The following TLL1 variants were observed in gnomAD, a reference collection of about 807,000 sequenced individuals.
TLL1 encodes tolloid-like protein 1.
Under a neutral mutation model 128.2 loss-of-function variants are expected in TLL1, and 49 were observed. That is an observed-to-expected ratio of 0.38 (90% confidence interval 0.30 to 0.48). The LOEUF (loss-of-function observed/expected upper bound fraction) is 0.48. Ranked by LOEUF, TLL1 falls within the 20% of genes least tolerant of loss-of-function variation. The pLI, the probability that TLL1 is intolerant of heterozygous loss-of-function variation, is 0.96. For synonymous variants in TLL1, 454 were observed against 418.8 expected (o/e 1.08, Z -1.03); for missense variants, 1,123 against 1,242.0 (o/e 0.90, Z 1.44).
At chr4:166,018,803 G>A (rs563143325) in intron 8 of TLL1, among the ~76,000 whole-genome samples, 4 of 152,090 alleles carry the variant, frequency 2.6e-5, no homozygotes. Flanking sequence ...GATGAAAAAT[G>A]ACAGATGCTG....
chr4:166,070,320 G>A (rs778319515), intron 16 of TLL1, among the ~76,000 whole-genome samples: 1 of 151,780 alleles, frequency 6.6e-6, no homozygotes, highest in African/African-American at 2.4e-5. Context: ...AGAAATATTA[G>A]TTGGACTTTA....
chr4:166,042,082 G>A lies in TLL1; in HGVS notation c.1317G>A (p.Met439Ile). Residue 439 changes from methionine (M) to isoleucine (I), a missense_variant, in exon 11 of 21, where the codon ATG (methionine) becomes ATA (isoleucine). Met to Ile is a conservative substitution (Grantham distance 10). Transcript: ENST00000061240. Reference sequence around the variant, plus strand: ...TTCTTACTTCTACAGACAGCAGAATGTGGATTGAGTTTCGTAGCAGCAGTA... The same window carrying A: ...TTCTTACTTCTACAGACAGCAGAATATGGATTGAGTTTCGTAGCAGCAGTA... ...PEVLTSTDSRMWIEFRSSSNW... is the reference protein window; with the variant it reads ...PEVLTSTDSRIWIEFRSSSNW... The A allele has an allele frequency of 6.2e-7, 1 of 1,612,556 alleles. No homozygotes were observed.
chr4:166,016,171 T>C (rs1015477598), intron 8 of TLL1, among the ~76,000 whole-genome samples: 1 of 152,072 alleles, frequency 6.6e-6, no homozygotes, highest in Admixed American at 6.6e-5. Flanking sequence ...AAGATACACA[T>C]GTATATGTGG....
chr4:166,039,652 C>T (rs3756020), intron 10 of TLL1, among the ~76,000 whole-genome samples: 6 of 151,924 alleles, frequency 3.9e-5, no homozygotes, highest in Admixed American at 3.3e-4. Context: ...GCTAGCTTAA[C>T]TTATGAGGTA....
chr4:166,027,224 A>C (rs1364965308), intron 9 of TLL1, among the ~76,000 whole-genome samples: 1 of 152,048 alleles, frequency 6.6e-6, no homozygotes, highest in Admixed American at 6.6e-5. Flanking sequence ...AGTAATAGAC[A>C]CTGAAGACTA....
At chr4:165,898,736 G>A (rs1731810638) in intron 1 of TLL1, among the ~76,000 whole-genome samples, 1 of 152,190 alleles carries the variant, frequency 6.6e-6, no homozygotes. Flanking sequence ...GATGATACTG[G>A]CCTCATAAAA....
intron 14 of TLL1, among the ~76,000 whole-genome samples, chr4:166,059,412 T>C (rs530540099): frequency 6.6e-6 from 1 of 152,106 alleles, no homozygotes; most frequent in Non-Finnish European, 1.5e-5. Flanking sequence ...TAAAAATAGA[T>C]CATCACAGAT....
chr4:165,960,146 G>A (rs1424264772), intron 1 of TLL1, among the ~76,000 whole-genome samples: 1 of 152,016 alleles, frequency 6.6e-6, no homozygotes, highest in African/African-American at 2.4e-5. Context: ...ATGACAAAAT[G>A]ATATTACAGC....
At chr4:166,024,448 G>A (rs554469578) in intron 8 of TLL1, among the ~76,000 whole-genome samples, 1 of 152,238 alleles carries the variant, frequency 6.6e-6, no homozygotes, top group South Asian at 2.1e-4. Flanking sequence ...TTGAGTGAAG[G>A]TTAGAAAGAG....
At chr4:166,040,545 T>C (rs1278187858) in intron 10 of TLL1, among the ~76,000 whole-genome samples, 1 of 152,168 alleles carries the variant, frequency 6.6e-6, no homozygotes, top group Non-Finnish European at 1.5e-5. Flanking sequence ...AGTGAGGCAG[T>C]GTAATCATGG....
At chr4:166,036,672 ACTCT>A in intron 9 of TLL1, among the ~76,000 whole-genome samples, 1 of 151,730 alleles carries the variant, frequency 6.6e-6, no homozygotes, top group African/African-American at 2.4e-5. Context: ...CTTTTAAAGG[ACTCT>A]GTGTTTTATG....
At chr4:166,099,695 A>G (rs1018130631) in intron 20 of TLL1, among the ~76,000 whole-genome samples, 168 bp downstream of exon 20, 3 of 151,318 alleles carry the variant, frequency 2.0e-5, no homozygotes, top group Non-Finnish European at 4.4e-5. Context: ...CTCTACCCTT[A>G]TCACTTCTCC....
chr4:166,007,687 T>C (rs577419116), intron 6 of TLL1, among the ~76,000 whole-genome samples: 4 of 151,730 alleles, frequency 2.6e-5, no homozygotes, highest in Non-Finnish European at 4.4e-5. Flanking sequence ...AGAGCATACA[T>C]ATAAAAGAAA....
At chr4:166,050,169 G>A (rs949366704) in intron 12 of TLL1, among the ~76,000 whole-genome samples, 5 of 152,072 alleles carry the variant, frequency 3.3e-5, no homozygotes, top group African/African-American at 7.2e-5. Flanking sequence ...TTGCAAAGCC[G>A]AAACACTATC....
chr4:166,072,240 G>A (rs1357062238), intron 16 of TLL1, among the ~76,000 whole-genome samples: 1 of 151,856 alleles, frequency 6.6e-6, no homozygotes, highest in East Asian at 1.9e-4. Context: ...ATTAAATTAT[G>A]CTATATCAGA....
In TLL1 at chr4:166,021,235, G is replaced by A. The variant is rs188728270; in HGVS notation, c.1043-4081G>A. 1.7e-3 allele frequency among the ~76,000 whole-genome samples: 247 copies of A among 148,330 alleles called. 2 individuals are homozygous for A. The highest frequency in any genetic ancestry group is 5.9e-3 in the African/African-American group (236 of 39,962). The stretch of plus-strand genomic sequence containing the variant: ...TATTGCCAAGATGCAAAAAAAAAAT[G>A]CATTTAGCTATTTCTTTTAATTTAT... On this transcript the variant is annotated intron_variant, in intron 8 of 20. Coordinates refer to ENST00000061240, the MANE Select transcript of TLL1 (RefSeq NM_012464.5).
intron 19 of TLL1, among the ~76,000 whole-genome samples, chr4:166,094,080 C>T (rs972251722): frequency 6.6e-6 from 1 of 152,120 alleles, no homozygotes; most frequent in Non-Finnish European, 1.5e-5. Context: ...TCTTTCTTTT[C>T]CCTACAGTCA....
At chr4:165,882,536 C>G (rs1011480877) in intron 1 of TLL1, among the ~76,000 whole-genome samples, 7 of 152,024 alleles carry the variant, frequency 4.6e-5, no homozygotes, top group Non-Finnish European at 1.0e-4. Context: ...AGGCAGTCAC[C>G]AGGGTCAGAA....
At chr4:165,921,756 A>G (rs1733052503) in intron 1 of TLL1, among the ~76,000 whole-genome samples, 2 of 152,198 alleles carry the variant, frequency 1.3e-5, no homozygotes, top group Non-Finnish European at 2.9e-5. Context: ...GCAGGTGTGT[A>G]TAGTCACACT....
Sources: gnomAD v4.1 joint callset for allele counts (sites outside exome capture counted in the v4.1 genomes callset) on GRCh38, gnomAD v4.1.1 for gene constraint, MANE v1.5 for transcripts, NCBI Gene and HGNC (gene_info 2026-07-23, HGNC 2026-07-21) for gene names.